ZRANB3: variants seen among roughly 807,000 people sequenced by gnomAD.
ZRANB3 encodes the protein zinc finger RANBP2-type containing 3.
In ZRANB3, 125 loss-of-function variants were observed where a neutral mutation model predicts 133.8. The ratio of observed to expected loss-of-function variants is 0.93; its 90% CI spans 0.81 to 1.08. The LOEUF (loss-of-function observed/expected upper bound fraction) is 1.08. Among genes scored for constraint, ZRANB3 ranks in the 50% least tolerant of loss-of-function variants. ZRANB3 has a pLI of 0.00. For synonymous variants in ZRANB3, 387 were observed against 432.7 expected (o/e 0.89, Z 1.31); for missense variants, 1,229 against 1,275.5 (o/e 0.96, Z 0.56).
chr2:135,229,349 T>A (rs936888312), intron 13 of ZRANB3, among the ~76,000 whole-genome samples: 1 of 151,646 alleles, frequency 6.6e-6, no homozygotes, highest in Non-Finnish European at 1.5e-5. Flanking sequence ...CTTAGCTGAG[T>A]CTTTGTCAAT....
chr2:135,329,293 C>T (rs187826557), intron 6 of ZRANB3, among the ~76,000 whole-genome samples: 65 of 152,254 alleles, frequency 4.3e-4, no homozygotes, highest in South Asian at 2.5e-3. Flanking sequence ...GCCAGTTTTT[C>T]GAGCATCATT....
intron 2 of ZRANB3, among the ~76,000 whole-genome samples, chr2:135,486,242 G>C (rs1264564791): frequency 6.6e-6 from 1 of 152,114 alleles, no homozygotes; most frequent in East Asian, 1.9e-4. Context: ...TTTCAAAATT[G>C]AAATCAATAC....
At chr2:135,356,636 A>G (rs1326288864) in intron 3 of ZRANB3, among the ~76,000 whole-genome samples, 1 of 151,964 alleles carries the variant, frequency 6.6e-6, no homozygotes, top group Non-Finnish European at 1.5e-5. Context: ...TCCAGATGTT[A>G]TTTTTCAGTT....
intron 2 of ZRANB3, among the ~76,000 whole-genome samples, chr2:135,494,412 G>T (rs1181728436): frequency 6.6e-6 from 1 of 151,806 alleles, no homozygotes; most frequent in Non-Finnish European, 1.5e-5. Flanking sequence ...CAGAAGGGGG[G>T]CTCTTCTTTA....
At chr2:135,251,096 G>T (rs898317526) in intron 12 of ZRANB3, among the ~76,000 whole-genome samples, 2 of 152,226 alleles carry the variant, frequency 1.3e-5, no homozygotes, top group African/African-American at 4.8e-5. Flanking sequence ...TTTTGCATCA[G>T]TGTTACCTGG....
intron 2 of ZRANB3, among the ~76,000 whole-genome samples, chr2:135,410,534 T>C (rs1688257676): frequency 6.6e-6 from 1 of 152,118 alleles, no homozygotes; most frequent in Admixed American, 6.6e-5. Flanking sequence ...ACAAAATTCC[T>C]AGAAGAAAAT....
At chr2:135,377,334 T>G (rs1395331860) in intron 3 of ZRANB3, among the ~76,000 whole-genome samples, 1 of 152,162 alleles carries the variant, frequency 6.6e-6, no homozygotes, top group East Asian at 1.9e-4. Context: ...TATAAGCTGA[T>G]AGAACCTAGA....
intron 2 of ZRANB3, among the ~76,000 whole-genome samples, chr2:135,418,925 CTTTTTTTTTTTTTTT>C (rs769271961): frequency 2.0e-4 from 17 of 85,900 alleles, no homozygotes; most frequent in South Asian, 5.4e-4. Flanking sequence ...AGGATTCTCT[CTTTTTTTTTTTTTTT>C]TTTTTTTTTT....
intron 8 of ZRANB3, among the ~76,000 whole-genome samples, chr2:135,301,661 CT>C (rs1682437915): frequency 6.6e-6 from 1 of 152,186 alleles, no homozygotes. Context: ...ATTCCACCAG[CT>C]CATCTCCTTT....
intron 13 of ZRANB3, among the ~76,000 whole-genome samples, chr2:135,229,216 G>A (rs922963515): frequency 2.0e-5 from 3 of 152,106 alleles, no homozygotes; most frequent in African/African-American, 7.2e-5. Context: ...GTCAATTTTG[G>A]TGGGAGTACC....
At position 135,442,475 on chromosome 2, in the gene ZRANB3, G is replaced by A. The variant is rs1389565097; in HGVS notation, c.162-51655C>T. 6.6e-5 allele frequency among the ~76,000 whole-genome samples: 10 copies of A among 152,252 alleles called. No individual in the cohort carries two copies. The South Asian group carries it at 1.0e-3, about 16-fold the overall frequency. On this transcript the variant is annotated intron_variant, in intron 2 of 20. Coordinates refer to ENST00000264159, the MANE Select transcript of ZRANB3 (RefSeq NM_032143.4). Reference sequence around the variant, plus strand: ...CATCATCACTGGTCATTAGAGAAACGCAAATCAAAACCACAGTGAGATACC... The same window carrying A: ...CATCATCACTGGTCATTAGAGAAACACAAATCAAAACCACAGTGAGATACC...
intron 1 of ZRANB3, among the ~76,000 whole-genome samples, chr2:135,526,826 G>GCTATCTATCTAT (rs1694183082): frequency 6.6e-6 from 1 of 152,130 alleles, no homozygotes; most frequent in Non-Finnish European, 1.5e-5. Context: ...TCTGAAGTCT[G>GCTATCTATCTAT]CTATCTAAGA....
chr2:135,314,127 G>T (rs1055976964), intron 7 of ZRANB3, among the ~76,000 whole-genome samples: 1 of 152,156 alleles, frequency 6.6e-6, no homozygotes, highest in African/African-American at 2.4e-5. Flanking sequence ...ACCTCCCAAA[G>T]TGCTGGGACT....
At chr2:135,420,124 T>TATATATAA (rs1273584306) in intron 2 of ZRANB3, among the ~76,000 whole-genome samples, 8 of 91,330 alleles carry the variant, frequency 8.8e-5, no homozygotes, top group African/African-American at 5.6e-4. Context: ...TATATATATA[T>TATATATAA]AACTTATAGA....
chr2:135,470,379 C>T (rs1017018109), intron 2 of ZRANB3, among the ~76,000 whole-genome samples: 3 of 150,262 alleles, frequency 2.0e-5, no homozygotes, highest in African/African-American at 4.9e-5. Context: ...TTATTTTGAT[C>T]TTAACTAATT....
intron 5 of ZRANB3, among the ~76,000 whole-genome samples, chr2:135,346,073 T>C (rs532223936): frequency 1.3e-5 from 2 of 152,340 alleles, no homozygotes; most frequent in South Asian, 2.1e-4. Flanking sequence ...ATTGGACATA[T>C]AGGCTATTTC....
At chr2:135,488,296 T>C (rs1458487886) in intron 2 of ZRANB3, among the ~76,000 whole-genome samples, 1 of 152,098 alleles carries the variant, frequency 6.6e-6, no homozygotes, top group African/African-American at 2.4e-5. Context: ...GATAATGAAA[T>C]AGTTTGAAAT....
chr2:135,363,368 A>C (rs1433778012), intron 3 of ZRANB3, among the ~76,000 whole-genome samples: 1 of 152,216 alleles, frequency 6.6e-6, no homozygotes, highest in Non-Finnish European at 1.5e-5. Flanking sequence ...GACAGTAAAA[A>C]ATGAGATACT....
At position 135,381,711 on chromosome 2, in the gene ZRANB3, C is replaced by T. The variant is rs116017214; in HGVS notation, c.180+9091G>A. ...CCAATATCCACTGTTCTGCAGACTC[C>T]GCTGGTGATACCCAGGAAACCAGTC... is the stretch of plus-strand genomic sequence containing the variant. On this transcript the variant is annotated intron_variant, in intron 3 of 20. Coordinates refer to ENST00000264159, the MANE Select transcript of ZRANB3 (RefSeq NM_032143.4). Among the ~76,000 whole-genome samples, 492 of 152,284 alleles carry T rather than the reference C, an allele frequency of 3.2e-3. 2 individuals carry two copies. The highest frequency in any genetic ancestry group is 0.01 in the African/African-American group (429 of 41,552).
Sources: gnomAD v4.1 joint callset for allele counts (sites outside exome capture counted in the v4.1 genomes callset) on GRCh38, gnomAD v4.1.1 for gene constraint, MANE v1.5 for transcripts, NCBI Gene and HGNC (gene_info 2026-07-23, HGNC 2026-07-21) for gene names.